The following CSMD3 variants were observed in gnomAD, a reference collection of about 807,000 sequenced individuals.
The protein encoded by CSMD3 is CUB and sushi domain-containing protein 3.
CSMD3 carries 177 observed loss-of-function variants against 435.2 expected under a neutral mutation model. That is an observed-to-expected ratio of 0.41 (90% CI 0.36 to 0.46). CSMD3 has a LOEUF of 0.46. CSMD3 is among the 20% of genes least tolerant of loss of function. The probability of loss-of-function intolerance (pLI) is 0.34; values close to 1 mark genes in which losing one functional copy is unlikely to be tolerated. For synonymous variants in CSMD3, 1,656 were observed against 1,520.5 expected (o/e 1.09, Z -2.07); for missense variants, 4,265 against 4,504.6 (o/e 0.95, Z 1.52).
rs11785883 is a variant in CSMD3 at position 112,410,636 on chromosome 8, A to G, written c.5396-1604T>C. Reference sequence around the variant, plus strand: ...TATATGTATATATATGTGTATATATATGTATATATATATGTGTATATATAT... The same window carrying G: ...TATATGTATATATATGTGTATATATGTGTATATATATATGTGTATATATAT... On this transcript the variant is annotated intron_variant, in intron 32 of 70. Coordinates refer to ENST00000297405, the MANE Select transcript of CSMD3 (RefSeq NM_198123.2). 3.7e-3 allele frequency among the ~76,000 whole-genome samples: 373 copies of G among 99,756 alleles called. 5 individuals are homozygous for G. The highest frequency in any genetic ancestry group is 5.9e-3 in the Middle Eastern group (1 of 170). 65.4% of individuals were successfully genotyped at this position (99,756 alleles called of 152,430 possible). A position where few individuals can be genotyped will look rare whatever the true frequency, so the allele number is the denominator to read the frequency against.
At chr8:113,166,713 CT>C (rs776564715) in intron 4 of CSMD3, among the ~76,000 whole-genome samples, 17 of 152,020 alleles carry the variant, frequency 1.1e-4, no homozygotes, top group Non-Finnish European at 2.2e-4. Flanking sequence ...CCTTTTAATG[CT>C]GAAAAAATTA....
At chr8:112,384,285 A>C (rs771193114) in intron 36 of CSMD3, among the ~76,000 whole-genome samples, 5 of 152,210 alleles carry the variant, frequency 3.3e-5, no homozygotes, top group Non-Finnish European at 5.9e-5. Flanking sequence ...AATTTTTAAA[A>C]ATTTATTTTA....
intron 28 of CSMD3, among the ~76,000 whole-genome samples, chr8:112,513,004 C>A (rs796353679): frequency 6.6e-6 from 1 of 152,140 alleles, no homozygotes; most frequent in Non-Finnish European, 1.5e-5. Context: ...CCATCTATGT[C>A]TTTATAGAAT....
intron 31 of CSMD3, among the ~76,000 whole-genome samples, chr8:112,486,625 C>T (rs1313019082): frequency 6.6e-6 from 1 of 152,100 alleles, no homozygotes; most frequent in Non-Finnish European, 1.5e-5. Flanking sequence ...ATGCTGAACC[C>T]TAGTTGTGAA....
At chr8:112,465,212 G>A (rs1817837366) in intron 32 of CSMD3, among the ~76,000 whole-genome samples, 2 of 152,100 alleles carry the variant, frequency 1.3e-5, no homozygotes, top group Non-Finnish European at 1.5e-5. Context: ...CCCCCTCGTG[G>A]TGAATTACTG....
At chr8:112,519,715 A>T (rs1269613040) in intron 27 of CSMD3, among the ~76,000 whole-genome samples, 1 of 152,194 alleles carries the variant, frequency 6.6e-6, no homozygotes, top group Admixed American at 6.6e-5. Flanking sequence ...TCTGAGTGCT[A>T]TTATTATCCA....
chr8:112,883,831 G>T (rs1239369294), intron 10 of CSMD3, among the ~76,000 whole-genome samples: 2 of 150,872 alleles, frequency 1.3e-5, no homozygotes, highest in Non-Finnish European at 2.9e-5. Flanking sequence ...TTAATATTTT[G>T]CCAATTGTCA....
chr8:113,329,040 C>A (rs1469927250), intron 1 of CSMD3, among the ~76,000 whole-genome samples: 1 of 151,718 alleles, frequency 6.6e-6, no homozygotes, highest in East Asian at 1.9e-4. Flanking sequence ...CCACTTCCTG[C>A]ACTAAAATAT....
rs117399338 is a variant in CSMD3, at chr8:112,254,560, C to T, written c.10037-234G>A. Among the ~76,000 whole-genome samples the T allele has an allele frequency of 9.3e-4, 141 of 151,944 alleles. 4 individuals are homozygous for T. The East Asian group carries it at 0.026, about 27-fold the overall frequency. ...GAAATTCTTGAACTTTGAACCCTTC[C>T]GATATAAAAGCACTTGACATTCAAC... On this transcript the variant is annotated intron_variant, in intron 62 of 70. Transcript: ENST00000297405.
At chr8:112,974,904 C>A (rs2084789976) in intron 7 of CSMD3, among the ~76,000 whole-genome samples, 1 of 151,578 alleles carries the variant, frequency 6.6e-6, no homozygotes, top group South Asian at 2.1e-4. Context: ...CTGCAAAAAC[C>A]ATAGCCAGTT....
intron 9 of CSMD3, among the ~76,000 whole-genome samples, chr8:112,924,538 T>C (rs2130654693): frequency 6.6e-6 from 1 of 152,142 alleles, no homozygotes; most frequent in East Asian, 1.9e-4. Context: ...GTTTAAGTGA[T>C]AGGAGTTTGA....
chr8:112,341,730 G>T, intron 41 of CSMD3, 44 bp from the exon 42 acceptor site: 2 of 1,225,992 alleles, frequency 1.6e-6, no homozygotes, highest in Non-Finnish European at 1.2e-6. Context: ...TTGCTTTACC[G>T]AATTAAACAT....
In CSMD3 at chr8:113,160,425, A is replaced by G. The variant is rs773484219; in HGVS notation, c.709+13297T>C. On this transcript the variant is annotated intron_variant, in intron 4 of 70. Transcript: ENST00000297405. ...AACGTCTAACGTATTCAAGGTGTTC[A>G]GTCATAAGGCAATATTTTAGGCATT... Among the ~76,000 whole-genome samples the G allele has an allele frequency of 1.4e-4, 22 of 151,984 alleles. 1 individual carries two copies. Among genetic ancestry groups the G allele is most frequent in the African/African-American group, 4.8e-5 (2 of 41,442 alleles).
intron 61 of CSMD3, among the ~76,000 whole-genome samples, chr8:112,258,100 C>A (rs576440830): frequency 6.6e-6 from 1 of 152,208 alleles, no homozygotes; most frequent in South Asian, 2.1e-4. Flanking sequence ...GAAACTGTAC[C>A]CCTTCCTTAT....
At chr8:113,176,573 A>C (rs72687604) in intron 3 of CSMD3, among the ~76,000 whole-genome samples, 14,627 of 152,238 alleles carry the variant, frequency 0.096, 914 homozygotes, top group Middle Eastern at 0.17. Context: ...ATTTACTTTT[A>C]AGTAATAAAA....
chr8:113,428,262 T>A (rs553631220), intron 1 of CSMD3, among the ~76,000 whole-genome samples: 1 of 146,628 alleles, frequency 6.8e-6, no homozygotes, highest in African/African-American at 2.5e-5. Flanking sequence ...CTATCTATCT[T>A]TCTGTCTAAT....
intron 38 of CSMD3, among the ~76,000 whole-genome samples, chr8:112,373,135 C>T (rs1173028381): frequency 6.6e-6 from 1 of 151,250 alleles, no homozygotes; most frequent in Non-Finnish European, 1.5e-5. Context: ...TTCCTGAAAC[C>T]TTCACTATTT....
intron 12 of CSMD3, among the ~76,000 whole-genome samples, chr8:112,814,535 C>T (rs2132404117): frequency 6.6e-6 from 1 of 152,218 alleles, no homozygotes; most frequent in East Asian, 1.9e-4. Context: ...GTAATCCCAG[C>T]ACTTTGGGAG....
At chr8:112,901,898 A>G (rs1376013493) in intron 10 of CSMD3, among the ~76,000 whole-genome samples, 2 of 151,334 alleles carry the variant, frequency 1.3e-5, no homozygotes, top group Non-Finnish European at 3.0e-5. Context: ...GGGGAAGAGG[A>G]GTTAATGAGG....
Sources: gnomAD v4.1 joint callset for allele counts (sites outside exome capture counted in the v4.1 genomes callset) on GRCh38, gnomAD v4.1.1 for gene constraint, MANE v1.5 for transcripts, NCBI Gene and HGNC (gene_info 2026-07-23, HGNC 2026-07-21) for gene names.